Variants in ANK2 observed in about 807,000 individuals in gnomAD.
ANK2 encodes ankyrin-2.
Under a neutral mutation model 360.5 loss-of-function variants are expected in ANK2, and 83 were observed. The ratio of observed to expected loss-of-function variants is 0.23; its 90% CI spans 0.19 to 0.28. ANK2 has a LOEUF of 0.28. ANK2 is among the 10% of genes least tolerant of loss of function. The pLI is 1.00. For synonymous variants in ANK2, 1,740 were observed against 1,759.5 expected (o/e 0.99, Z 0.28); for missense variants, 4,201 against 4,795.7 (o/e 0.88, Z 3.66).
chr4:113,016,766 A>T (rs2056754790), intron 2 of ANK2, among the ~76,000 whole-genome samples: 1 of 152,192 alleles, frequency 6.6e-6, no homozygotes, highest in Non-Finnish European at 1.5e-5. Flanking sequence ...GTTTGTAGAG[A>T]CACATTCTAC....
intron 4 of ANK2, among the ~76,000 whole-genome samples, chr4:113,225,823 G>C (rs539072971): frequency 3.3e-4 from 50 of 152,064 alleles, no homozygotes; most frequent in African/African-American, 1.2e-3. Context: ...TTACCAAAAG[G>C]AATTTTCACC....
At position 113,378,358 on chromosome 4, in the gene ANK2, T is replaced by C. The variant is rs187295574; in HGVS notation, c.11860-3099T>C. Among the ~76,000 whole-genome samples the C allele has an allele frequency of 2.0e-5, 3 of 152,292 alleles. No individual in the cohort carries two copies. The East Asian group carries it at 5.8e-4, about 29-fold the overall frequency. ...ATCTATTGAAGTATCATCCCTGAAG[T>C]ATCCTCTTGATACTTCAAACATAAT... is the stretch of plus-strand genomic sequence containing the variant. On this transcript the variant is annotated intron_variant, in intron 45 of 45. Transcript: ENST00000357077.
chr4:112,819,097 C>A (rs913638502), intron 1 of ANK2, among the ~76,000 whole-genome samples: 1 of 152,186 alleles, frequency 6.6e-6, no homozygotes, highest in Non-Finnish European at 1.5e-5. Flanking sequence ...TTAGGTGTGG[C>A]CTTTTTGGAG....
chr4:113,296,042 A>T (rs952003234), intron 22 of ANK2, among the ~76,000 whole-genome samples: 3 of 152,104 alleles, frequency 2.0e-5, no homozygotes, highest in Admixed American at 2.0e-4. Flanking sequence ...AAACAGTAAT[A>T]TTTAAGTTTA....
chr4:112,766,912 T>C, the ANK2 span, among the ~76,000 whole-genome samples: 1 of 152,178 alleles, frequency 6.6e-6, no homozygotes, highest in Non-Finnish European at 1.5e-5. Context: ...ACCACACACA[T>C]TTCCACTGTA....
At chr4:112,881,892 G>A (rs1269130184) in intron 1 of ANK2, 2 of 719,596 alleles carry the variant, frequency 2.8e-6, no homozygotes, top group East Asian at 2.5e-5. Flanking sequence ...CGCTCTCTTT[G>A]GTTCCACAAC....
chr4:112,975,375 C>T (rs1383397309), intron 2 of ANK2, among the ~76,000 whole-genome samples: 1 of 152,016 alleles, frequency 6.6e-6, no homozygotes, highest in East Asian at 1.9e-4. Flanking sequence ...CTCTTCAGTA[C>T]TTTCAGATTA....
At chr4:112,763,732 C>CCA in the ANK2 span, among the ~76,000 whole-genome samples, 1 of 144,978 alleles carries the variant, frequency 6.9e-6, no homozygotes, top group Non-Finnish European at 1.5e-5. Flanking sequence ...CGGGGTTTCA[C>CCA]TGTGGTCTTG....
At chr4:113,352,236 G>A (rs761000985) in intron 37 of ANK2, among the ~76,000 whole-genome samples, 21 of 152,174 alleles carry the variant, frequency 1.4e-4, no homozygotes, top group Middle Eastern at 3.2e-3. Flanking sequence ...GGGTTGCCAT[G>A]CATCACATTT....
rs1585820290 is a variant in ANK2, at chr4:113,242,181, G to A, written c.863G>A (p.Arg288Gln). The change falls in exon 9 of 46, where the codon CGA (arginine) becomes CAA (glutamine). Residue 288 changes from arginine (R) to glutamine (Q), a missense_variant. Physicochemically the swap from Arg to Gln is conservative, Grantham distance 43. Around this residue, in one of 4 missense-constraint regions of ANK2, gnomAD observed 122 missense variants for 239.3 expected, o/e 0.51. Transcript: ENST00000357077. Reference protein sequence around the residue: ...NTNMVKLLLDRGGQIDAKTRD... With the variant: ...NTNMVKLLLDQGGQIDAKTRD... ...AACATGGTGAAGCTCTTACTGGATC[G>A]AGGCGGTCAGATCGATGCCAAAACT... is the stretch of plus-strand genomic sequence containing the variant. 6.2e-7 allele frequency: 1 copy of A among 1,613,968 alleles called. No homozygotes were observed. The highest frequency in any genetic ancestry group is 1.1e-5 in the South Asian group (1 of 91,078).
At chr4:113,014,278 A>G (rs1427637838) in intron 2 of ANK2, among the ~76,000 whole-genome samples, 3 of 152,252 alleles carry the variant, frequency 2.0e-5, no homozygotes, top group Non-Finnish European at 4.4e-5. Flanking sequence ...AAAAGCCAAC[A>G]TATTTTGATA....
chr4:112,791,552 G>C, the ANK2 span, among the ~76,000 whole-genome samples: 128 of 139,354 alleles, frequency 9.2e-4, no homozygotes, highest in African/African-American at 3.2e-3. Context: ...GCTGTGGCGC[G>C]ATCTTAGCTC....
At chr4:113,017,905 T>C (rs1314639558) in intron 2 of ANK2, among the ~76,000 whole-genome samples, 4 of 152,208 alleles carry the variant, frequency 2.6e-5, no homozygotes, top group Non-Finnish European at 5.9e-5. Context: ...CCTCTGATAT[T>C]GAAAACATTC....
chr4:112,812,559 G>A, the ANK2 span, among the ~76,000 whole-genome samples: 1 of 152,196 alleles, frequency 6.6e-6, no homozygotes, highest in Non-Finnish European at 1.5e-5. Flanking sequence ...AGACATGTGA[G>A]TGAATGAACC....
At chr4:112,791,531 C>T in the ANK2 span, among the ~76,000 whole-genome samples, 2 of 139,908 alleles carry the variant, frequency 1.4e-5, no homozygotes, top group African/African-American at 5.3e-5. Flanking sequence ...CTCTGTTGCC[C>T]AGGCTGGAGT....
intron 1 of ANK2, among the ~76,000 whole-genome samples, chr4:112,864,602 G>A (rs1416355201): frequency 2.0e-5 from 3 of 151,920 alleles, no homozygotes; most frequent in Non-Finnish European, 4.4e-5. Context: ...CAGCCCCGGC[G>A]CCCGGCCGGT....
intron 10 of ANK2, among the ~76,000 whole-genome samples, chr4:113,252,436 AT>A (rs1379822464): frequency 6.6e-6 from 1 of 152,120 alleles, no homozygotes; most frequent in Non-Finnish European, 1.5e-5. Flanking sequence ...TCACCCCCTC[AT>A]TCTTTGTCAA....
At chr4:113,110,561 G>A (rs553527029) in intron 1 of ANK2, among the ~76,000 whole-genome samples, 2 of 152,250 alleles carry the variant, frequency 1.3e-5, no homozygotes, top group South Asian at 2.1e-4. Context: ...GCATCCAGAA[G>A]CATTAATAAT....
chr4:113,034,190 T>C (rs1359379133), intron 2 of ANK2, among the ~76,000 whole-genome samples: 2 of 151,980 alleles, frequency 1.3e-5, no homozygotes, highest in Admixed American at 6.6e-5. Flanking sequence ...ATGACGATTA[T>C]ATCAAGAGCG....
Sources: allele counts gnomAD v4.1 joint callset (sites outside exome capture counted in the v4.1 genomes callset), GRCh38; gene constraint gnomAD v4.1.1; regional missense constraint gnomAD v4.1.1; transcripts MANE v1.5; gene names NCBI Gene and HGNC (gene_info 2026-07-23, HGNC 2026-07-21).